ASPRV1: variants seen among roughly 807,000 people sequenced by gnomAD.
ASPRV1 encodes the protein retroviral-like aspartic protease 1.
In ASPRV1, 7 loss-of-function variants were observed where a neutral mutation model predicts 11.0. The ratio of observed to expected loss-of-function variants is 0.64; its 90% CI spans 0.36 to 1.20. The LOEUF is 1.20. Among genes scored for constraint, ASPRV1 ranks in the 50% most tolerant of loss-of-function variants. The pLI is 0.02. For missense variants in ASPRV1, 299 were observed against 320.0 expected, an observed-to-expected ratio of 0.93 and a Z score of 0.50; for synonymous variants, 136 against 138.4, an observed-to-expected ratio of 0.98 and a Z score of 0.12.
the ASPRV1 span, among the ~76,000 whole-genome samples, chr2:70,062,292 C>A: frequency 0.068 from 10,359 of 151,836 alleles, 1,226 homozygotes; most frequent in African/African-American, 0.24. Flanking sequence ...GCAACAAGAG[C>A]GAAACTCCAT....
chr2:69,963,528 A>C (rs1042214483), upstream of ASPRV1: 1 of 442,656 alleles, frequency 2.3e-6, no homozygotes, highest in Non-Finnish European at 4.6e-6. Flanking sequence ...TGAGGAGGTT[A>C]GCATGCGACC....
At chr2:70,016,356 G>A in the ASPRV1 span, 1 of 152,094 alleles carries the variant, frequency 6.6e-6, no homozygotes, top group African/African-American at 2.4e-5. Flanking sequence ...AGACCAATGG[G>A]ACTACATCAG....
the ASPRV1 span, among the ~76,000 whole-genome samples, chr2:70,084,818 G>A: frequency 1.3e-5 from 2 of 152,224 alleles, no homozygotes; most frequent in South Asian, 4.1e-4. Context: ...ACAATGCCCA[G>A]CACACAGTAA....
chr2:70,013,064 T>C, the ASPRV1 span, among the ~76,000 whole-genome samples: 3 of 152,256 alleles, frequency 2.0e-5, no homozygotes, highest in African/African-American at 7.2e-5. Context: ...TCTGATGAAA[T>C]CAGTGGTAAC....
chr2:69,977,937 G>A, the ASPRV1 span, among the ~76,000 whole-genome samples: 6 of 152,190 alleles, frequency 3.9e-5, no homozygotes, highest in African/African-American at 1.4e-4. Context: ...TAGGTCATGA[G>A]CCCCAGAAGT....
the ASPRV1 span, among the ~76,000 whole-genome samples, chr2:69,967,610 CAGAAAAAAGACTA>C: frequency 6.6e-6 from 1 of 151,898 alleles, no homozygotes; most frequent in African/African-American, 2.4e-5. Flanking sequence ...TCTATGAACA[CAGAAAAAAGACTA>C]GGAAGAAAGA....
chr2:69,990,535 T>C, the ASPRV1 span, among the ~76,000 whole-genome samples: 2 of 152,016 alleles, frequency 1.3e-5, no homozygotes, highest in Non-Finnish European at 2.9e-5. Flanking sequence ...TGGAGTGCAG[T>C]TGTGTGATCA....
chr2:70,049,814 C>T, the ASPRV1 span: 2 of 152,234 alleles, frequency 1.3e-5, no homozygotes, highest in Non-Finnish European at 2.9e-5. Context: ...AATGAAATGA[C>T]TTTTGGCTGT....
downstream of ASPRV1, among the ~76,000 whole-genome samples, chr2:69,957,211 C>T (rs1319909696): frequency 6.6e-6 from 1 of 151,730 alleles, no homozygotes; most frequent in African/African-American, 2.4e-5. Context: ...TGTTGTTTTC[C>T]CCTAGGAAAT....
the ASPRV1 span, chr2:70,086,895 G>A: frequency 6.6e-6 from 1 of 152,262 alleles, no homozygotes; most frequent in Non-Finnish European, 1.5e-5. Context: ...CCGCCGCCGG[G>A]GAGCAGGAGC....
the ASPRV1 span, among the ~76,000 whole-genome samples, chr2:70,033,050 C>T: frequency 3.3e-5 from 5 of 152,136 alleles, no homozygotes; most frequent in Admixed American, 1.3e-4. Flanking sequence ...TAAAAACTCC[C>T]TGAACCTCCC....
chr2:70,080,539 T>G, the ASPRV1 span, among the ~76,000 whole-genome samples: 1 of 152,142 alleles, frequency 6.6e-6, no homozygotes, highest in Admixed American at 6.5e-5. Flanking sequence ...CCCTTCTTTT[T>G]TTTATAGGAC....
In ASPRV1 at chr2:69,960,991, A is replaced by C. The variant is rs1026634764; in HGVS notation, c.446T>G (p.Leu149Arg). The C allele has an allele frequency of 6.2e-7, 1 of 1,614,094 alleles. No homozygotes were observed. Among genetic ancestry groups the C allele is most frequent in the African/African-American group, 1.3e-5 (1 of 75,012 alleles). Residue 149 changes from leucine to arginine, a missense_variant, in exon 1 of 1, where the codon CTG becomes CGG. Physicochemically the swap from Leu to Arg is moderately radical, Grantham distance 102. Transcript: ENST00000320256. ...ATTCTCAAAGGGCTGCAGGGTGTCC[A>C]GATCGCCATCAGTGACCTCCTCCCA... ...NLWEEVTDGD[L>R]DTLQPFENVV...
the ASPRV1 span, among the ~76,000 whole-genome samples, chr2:70,029,695 C>A: frequency 2.0e-5 from 3 of 152,180 alleles, no homozygotes; most frequent in African/African-American, 7.2e-5. Flanking sequence ...TCAGATTCAA[C>A]TCCCTCCCCT....
chr2:69,978,728 G>A, the ASPRV1 span, among the ~76,000 whole-genome samples: 1,951 of 152,230 alleles, frequency 0.013, 46 homozygotes, highest in African/African-American at 0.045. Context: ...AGCAAACCTC[G>A]CGCCCTCCAA....
the ASPRV1 span, chr2:70,015,413 T>C: frequency 6.6e-6 from 1 of 152,178 alleles, no homozygotes. Flanking sequence ...GCAGATTTTT[T>C]CCAACCAAAT....
upstream of ASPRV1, chr2:69,961,808 C>A: frequency 8.6e-7 from 1 of 1,167,696 alleles, no homozygotes. Flanking sequence ...CCAGCCAGCC[C>A]ACATCCCAAG....
chr2:69,956,571 C>G (rs952434840), downstream of ASPRV1, among the ~76,000 whole-genome samples: 1 of 151,856 alleles, frequency 6.6e-6, no homozygotes, highest in African/African-American at 2.4e-5. Flanking sequence ...TAGAAAATCA[C>G]CATCATTTGG....
chr2:70,062,278 C>T, the ASPRV1 span, among the ~76,000 whole-genome samples: 83 of 152,224 alleles, frequency 5.5e-4, no homozygotes, highest in African/African-American at 2.0e-3. Flanking sequence ...GCACTCCAGC[C>T]TGGGCAACAA....
Sources: gnomAD v4.1 joint callset for allele counts (sites outside exome capture counted in the v4.1 genomes callset) on GRCh38, gnomAD v4.1.1 for gene constraint, MANE v1.5 for transcripts, NCBI Gene and HGNC (gene_info 2026-07-23, HGNC 2026-07-21) for gene names.